NBAS: variants seen among roughly 807,000 people sequenced by gnomAD.
NBAS encodes the protein NBAS subunit of NRZ tethering complex.
Under a neutral mutation model 302.5 loss-of-function variants are expected in NBAS, and 219 were observed. The observed-to-expected ratio is 0.72, with a 90% CI of 0.65 to 0.81. NBAS has a LOEUF of 0.81. Ranked by LOEUF, NBAS falls within the 30% of genes least tolerant of loss-of-function variation. The pLI is 0.00. For missense variants in NBAS, 2,932 were observed against 2,841.6 expected (o/e 1.03, Z -0.72); for synonymous variants, 1,118 against 1,021.6 (o/e 1.09, Z -1.80).
chr2:15,116,295 C>T, the NBAS span, among the ~76,000 whole-genome samples: 1 of 152,142 alleles, frequency 6.6e-6, no homozygotes, highest in Non-Finnish European at 1.5e-5. Context: ...AGTTTAAAAA[C>T]CATAAAAATT....
At position 15,190,359 on chromosome 2, in the gene NBAS, TAGA is replaced by T. The variant is rs1558423075; in HGVS notation, c.6474_6476del (p.Cys2158_Leu2159delinsTer). 2 of 1,614,022 alleles carry T rather than the reference TAGA, an allele frequency of 1.2e-6. No homozygotes were observed. The highest frequency in any genetic ancestry group is 1.7e-6 in the Non-Finnish European group (2 of 1,179,920). Reference sequence around the variant, plus strand: ...GACTAGATTCCAGGAGTTCCATGAATAGACAGTAGCGGTTCTCTTCATTCTCAA... The same window carrying T: ...GACTAGATTCCAGGAGTTCCATGAATCAGTAGCGGTTCTCTTCATTCTCAA... On this transcript the variant is annotated stop_gained and inframe_deletion, in exon 49 of 52. Transcript: ENST00000281513. LOFTEE classifies it high-confidence loss of function.
the NBAS span, among the ~76,000 whole-genome samples, chr2:15,017,238 T>A: frequency 3.3e-5 from 5 of 152,082 alleles, no homozygotes; most frequent in South Asian, 1.0e-3. Context: ...AGGAAATACG[T>A]CAGGACATGG....
chr2:15,513,783 G>T (rs749708477), intron 9 of NBAS, among the ~76,000 whole-genome samples: 7 of 151,076 alleles, frequency 4.6e-5, no homozygotes, highest in Non-Finnish European at 7.4e-5. Context: ...GTGGCCAAGG[G>T]TTCAAGATCA....
the NBAS span, among the ~76,000 whole-genome samples, chr2:15,034,580 A>T: frequency 1.3e-5 from 2 of 152,220 alleles, no homozygotes; most frequent in African/African-American, 4.8e-5. Flanking sequence ...ATCCAACTAC[A>T]GAGGATGTCC....
At chr2:15,539,052 A>G (rs997879032) in intron 7 of NBAS, among the ~76,000 whole-genome samples, 171 bp downstream of exon 7, 1 of 152,240 alleles carries the variant, frequency 6.6e-6, no homozygotes, top group Non-Finnish European at 1.5e-5. Context: ...AATACAAGGA[A>G]TAACTATTGC....
the NBAS span, among the ~76,000 whole-genome samples, chr2:14,938,158 TG>T: frequency 1.3e-5 from 2 of 152,036 alleles, no homozygotes; most frequent in Non-Finnish European, 2.9e-5. Flanking sequence ...AATAATTTAA[TG>T]GGTTAATGTA....
intron 30 of NBAS, among the ~76,000 whole-genome samples, chr2:15,376,211 T>C (rs1449530634): frequency 6.6e-6 from 1 of 152,180 alleles, no homozygotes; most frequent in Non-Finnish European, 1.5e-5. Flanking sequence ...CTGCATTCAA[T>C]ATAACTGTGA....
the NBAS span, among the ~76,000 whole-genome samples, chr2:14,910,602 G>A: frequency 1.3e-5 from 2 of 152,202 alleles, no homozygotes; most frequent in African/African-American, 2.4e-5. Context: ...GCCACAGAAC[G>A]CCTGCACCAA....
chr2:14,985,839 C>T, the NBAS span, among the ~76,000 whole-genome samples: 8 of 152,126 alleles, frequency 5.3e-5, no homozygotes, highest in Non-Finnish European at 1.0e-4. Flanking sequence ...GTTAAAATTG[C>T]ATTATTAATT....
the NBAS span, among the ~76,000 whole-genome samples, chr2:15,069,939 T>C: frequency 6.6e-6 from 1 of 152,184 alleles, no homozygotes; most frequent in Non-Finnish European, 1.5e-5. Flanking sequence ...GAGACCCATT[T>C]TATCAAGTCA....
At chr2:15,359,702 A>T (rs1452093906) in intron 32 of NBAS, among the ~76,000 whole-genome samples, 3 of 152,120 alleles carry the variant, frequency 2.0e-5, no homozygotes, top group Non-Finnish European at 4.4e-5. Flanking sequence ...GACAAAAAAA[A>T]TTGTGATTAT....
chr2:15,059,099 C>G, the NBAS span, among the ~76,000 whole-genome samples: 2 of 152,142 alleles, frequency 1.3e-5, no homozygotes, highest in African/African-American at 4.8e-5. Flanking sequence ...GATCCCTGGT[C>G]CTTGCAAAAT....
chr2:14,946,863 C>T, the NBAS span, among the ~76,000 whole-genome samples: 6 of 152,056 alleles, frequency 3.9e-5, no homozygotes, highest in East Asian at 1.2e-3. Flanking sequence ...AAATCAATAA[C>T]AAGAGAAACC....
chr2:15,178,994 G>C lies in NBAS; in HGVS notation c.6834C>G (p.Val2278=). The C allele has an allele frequency of 1.2e-6, 2 of 1,613,864 alleles. No individual in the cohort carries two copies. Among genetic ancestry groups the C allele is most frequent in the Non-Finnish European group, 1.7e-6 (2 of 1,179,938 alleles). Residue 2278 remains valine, a synonymous_variant, in exon 51 of 52, where the codon GTC becomes GTG. Coordinates refer to ENST00000281513, the MANE Select transcript of NBAS (RefSeq NM_015909.4). ...HEMALEQITA[V]TTVNDSNCDQ... is the part of the protein sequence containing the mutation. ...TAAATTCAACTGGGCATACCGTAGT[G>C]ACTGCCGTGATTTGCTCCAGTGCCA...
At chr2:15,258,974 G>A (rs1367123767) in intron 44 of NBAS, among the ~76,000 whole-genome samples, 4 of 152,130 alleles carry the variant, frequency 2.6e-5, no homozygotes, top group Non-Finnish European at 5.9e-5. Flanking sequence ...CGGCCCAGCT[G>A]TAAAATTCCT....
At chr2:15,232,796 A>G (rs1014379107) in intron 46 of NBAS, among the ~76,000 whole-genome samples, 2 of 152,118 alleles carry the variant, frequency 1.3e-5, no homozygotes, top group African/African-American at 4.8e-5. Context: ...TTCGTTGAAC[A>G]TTAACTGTAT....
At chr2:14,847,160 G>T in the NBAS span, among the ~76,000 whole-genome samples, 2 of 152,138 alleles carry the variant, frequency 1.3e-5, no homozygotes, top group East Asian at 3.9e-4. Flanking sequence ...GAGGTGGGTA[G>T]ATCACGAGGT....
chr2:15,108,267 T>C, the NBAS span, among the ~76,000 whole-genome samples: 1 of 152,130 alleles, frequency 6.6e-6, no homozygotes, highest in Non-Finnish European at 1.5e-5. Flanking sequence ...ACTTTTAATT[T>C]ACCTAATTTA....
the NBAS span, among the ~76,000 whole-genome samples, chr2:14,866,404 GT>G: frequency 6.6e-6 from 1 of 152,018 alleles, no homozygotes; most frequent in African/African-American, 2.4e-5. Context: ...TACCAAAAAT[GT>G]TTGGTTACTG....
Sources: allele counts gnomAD v4.1 joint callset (sites outside exome capture counted in the v4.1 genomes callset), GRCh38; gene constraint gnomAD v4.1.1; transcripts MANE v1.5; gene names NCBI Gene and HGNC (gene_info 2026-07-23, HGNC 2026-07-21).